Variants in CDH13 observed in about 807,000 individuals in gnomAD.
CDH13 encodes cadherin-13.
CDH13 carries 24 observed loss-of-function variants against 63.8 expected under a neutral mutation model. The ratio of observed to expected loss-of-function variants is 0.38; its 90% CI spans 0.27 to 0.53. The LOEUF (loss-of-function observed/expected upper bound fraction) is 0.53, where lower values mean the gene tolerates loss of function less well. Ranked by LOEUF, CDH13 falls within the 20% of genes least tolerant of loss-of-function variation. The pLI is 0.85. For missense variants in CDH13, 1,049 were observed against 903.1 expected (o/e 1.16, Z -2.07); for synonymous variants, 503 against 355.3 (o/e 1.42, Z -4.67).
chr16:83,705,889 AG>A lies in CDH13; in HGVS notation c.1538+27430del, dbSNP rs369859885. On this transcript the variant is annotated intron_variant, in intron 10 of 13. Coordinates refer to ENST00000567109, the MANE Select transcript of CDH13 (RefSeq NM_001257.5). Reference sequence around the variant, plus strand: ...TCCTAACTTAAATTTTATAAAACAAAGGATTTGTTTAGGTGGGAGAGTAGAT... The same window carrying A: ...TCCTAACTTAAATTTTATAAAACAAAGATTTGTTTAGGTGGGAGAGTAGAT... Among the ~76,000 whole-genome samples, 19 of 152,318 alleles carry A rather than the reference AG, an allele frequency of 1.2e-4. No individual in the cohort carries two copies. In the East Asian group the frequency reaches 3.1e-3, roughly 25 times the overall value.
rs964815298 is a variant in CDH13, at chr16:83,435,648, C to G, written c.782-50829C>G. 5.9e-5 allele frequency among the ~76,000 whole-genome samples: 9 copies of G among 152,278 alleles called. No individual in the cohort carries two copies. The East Asian group carries it at 1.5e-3, about 26-fold the overall frequency. On this transcript the variant is annotated intron_variant, in intron 6 of 13. Coordinates refer to ENST00000567109, the MANE Select transcript of CDH13 (RefSeq NM_001257.5). ...TTCTCTCTGTCTGAGTTGCTTTTCCCTGTACCTCACATCTAAGTCCAGATG... is the reference window on the plus strand; with the variant it reads ...TTCTCTCTGTCTGAGTTGCTTTTCCGTGTACCTCACATCTAAGTCCAGATG...
chr16:83,535,967 AAAG>A (rs2075178269), intron 7 of CDH13, among the ~76,000 whole-genome samples: 1 of 152,022 alleles, frequency 6.6e-6, no homozygotes, highest in East Asian at 1.9e-4. Flanking sequence ...AAAGAAAAGA[AAAG>A]AAAAGAAAGA....
At chr16:83,073,346 T>A (rs1482359298) in intron 3 of CDH13, among the ~76,000 whole-genome samples, 45 of 129,674 alleles carry the variant, frequency 3.5e-4, no homozygotes, top group African/African-American at 1.3e-3. Context: ...TGTGTGTGTG[T>A]GTGTGTGTGA....
At chr16:83,333,917 C>G (rs2090530731) in intron 5 of CDH13, among the ~76,000 whole-genome samples, 1 of 152,174 alleles carries the variant, frequency 6.6e-6, no homozygotes, top group East Asian at 1.9e-4. Context: ...AATTACCACA[C>G]AGTGACTCAA....
intron 5 of CDH13, among the ~76,000 whole-genome samples, chr16:83,264,552 ATG>A (rs35460307): frequency 0.019 from 2,810 of 149,832 alleles, 28 homozygotes; most frequent in Middle Eastern, 0.052. Flanking sequence ...ATATATATGT[ATG>A]TGTGTGTGTG....
intron 5 of CDH13, among the ~76,000 whole-genome samples, chr16:83,316,577 C>CA (rs2090110084): frequency 6.6e-6 from 1 of 152,068 alleles, no homozygotes; most frequent in Non-Finnish European, 1.5e-5. Context: ...CTAGGGAGCA[C>CA]AGTAGTGAGT....
rs376924929 is a variant in CDH13, at chr16:83,748,133, G to T, written c.1564G>T (p.Gly522Cys). 1 of 1,613,910 alleles carries T rather than the reference G, an allele frequency of 6.2e-7. No individual in the cohort carries two copies. The highest frequency in any genetic ancestry group is 1.3e-5 in the African/African-American group (1 of 75,020). The change falls in exon 11 of 14, where the codon GGT (glycine) becomes TGT (cysteine). Residue 522 changes from glycine (G) to cysteine (C), a missense_variant. Gly to Cys is a radical substitution (Grantham distance 159, BLOSUM62 -3). Coordinates refer to ENST00000567109, the MANE Select transcript of CDH13 (RefSeq NM_001257.5). ...GTATTCTGTTTACAAGGACCCAGCA[G>T]GTTGGCTGAATATTAACCCCATCAA... Reference protein sequence around the residue: ...IRYSVYKDPAGWLNINPINGT... With the variant: ...IRYSVYKDPACWLNINPINGT...
chr16:83,290,006 C>T (rs962190512), intron 5 of CDH13, among the ~76,000 whole-genome samples: 1 of 152,174 alleles, frequency 6.6e-6, no homozygotes. Flanking sequence ...GAGGGAACCA[C>T]TCTTCTGACA....
intron 5 of CDH13, among the ~76,000 whole-genome samples, chr16:83,282,175 C>T (rs927050707): frequency 3.9e-5 from 6 of 152,118 alleles, no homozygotes; most frequent in South Asian, 2.1e-4. Flanking sequence ...TTGTCTTCTG[C>T]GGACATGGCT....
At chr16:83,333,155 C>A (rs1196018174) in intron 5 of CDH13, among the ~76,000 whole-genome samples, 1 of 152,080 alleles carries the variant, frequency 6.6e-6, no homozygotes, top group Non-Finnish European at 1.5e-5. Flanking sequence ...AATGTCTTTT[C>A]CCTGGGAACT....
chr16:83,393,586 A>G (rs1185110696), intron 6 of CDH13, among the ~76,000 whole-genome samples: 1 of 152,202 alleles, frequency 6.6e-6, no homozygotes, highest in Non-Finnish European at 1.5e-5. Context: ...GAGGAGACAT[A>G]GACATATATG....
chr16:83,397,845 A>G lies in CDH13; in HGVS notation c.781+52839A>G, dbSNP rs576142708. 2.6e-5 allele frequency: 4 copies of G among 152,342 alleles called. No homozygotes were observed. In the East Asian group the frequency reaches 7.7e-4, roughly 29 times the overall value. 9.4% of individuals were successfully genotyped at this position (152,342 alleles called of 1,614,324 possible). ...CAGTTTGCCCTGTCCATATTCATAG[A>G]GCTAAAGAAACATTTGTTATAAATG... On this transcript the variant is annotated intron_variant, in intron 6 of 13. Coordinates refer to ENST00000567109, the MANE Select transcript of CDH13 (RefSeq NM_001257.5).
At chr16:83,217,558 T>C in intron 5 of CDH13, 61 bp downstream of exon 5, 1 of 1,530,802 alleles carries the variant, frequency 6.5e-7, no homozygotes, top group Middle Eastern at 2.0e-4. Flanking sequence ...AAGATTGTTT[T>C]CTTCCCACTG....
At chr16:83,453,638 A>G (rs1373909143) in intron 6 of CDH13, among the ~76,000 whole-genome samples, 1 of 152,120 alleles carries the variant, frequency 6.6e-6, no homozygotes, top group East Asian at 1.9e-4. Context: ...CGTCTGTTTA[A>G]TGGTGGGGTT....
Position 83,406,153 on chromosome 16 carries a change from G to T in CDH13, c.781+61147G>T, listed in dbSNP as rs186660396. 3.3e-5 allele frequency among the ~76,000 whole-genome samples: 5 copies of T among 152,324 alleles called. No homozygotes were observed. In the East Asian group the frequency reaches 7.7e-4, roughly 24 times the overall value. On this transcript the variant is annotated intron_variant, in intron 6 of 13. Coordinates refer to ENST00000567109, the MANE Select transcript of CDH13 (RefSeq NM_001257.5). ...ACAGGGGTCAGTGGATCAATGCCCA[G>T]GCCCCTGTCTATGAAAGGGCAATTC...
At chr16:82,960,610 C>G (rs1040679711) in intron 2 of CDH13, among the ~76,000 whole-genome samples, 3 of 152,160 alleles carry the variant, frequency 2.0e-5, no homozygotes, top group African/African-American at 7.2e-5. Flanking sequence ...CTGGGCTTCA[C>G]AAACAAAATA....
intron 4 of CDH13, among the ~76,000 whole-genome samples, chr16:83,167,226 G>T (rs1472665279): frequency 2.0e-5 from 3 of 151,490 alleles, no homozygotes; most frequent in Non-Finnish European, 2.9e-5. Flanking sequence ...GCCGGGCACA[G>T]TGGCTCACGC....
intron 2 of CDH13, among the ~76,000 whole-genome samples, chr16:82,949,398 G>A (rs1210437286): frequency 6.6e-6 from 1 of 152,082 alleles, no homozygotes; most frequent in African/African-American, 2.4e-5. Context: ...CACTCTAACG[G>A]CTTCCTCTTA....
chr16:83,248,522 C>A (rs755004529), intron 5 of CDH13, among the ~76,000 whole-genome samples: 1 of 152,138 alleles, frequency 6.6e-6, no homozygotes, highest in African/African-American at 2.4e-5. Context: ...CAAGGGTCAT[C>A]AGGTAGTTAG....
Sources: gnomAD v4.1 joint callset for allele counts (sites outside exome capture counted in the v4.1 genomes callset) on GRCh38, gnomAD v4.1.1 for gene constraint, MANE v1.5 for transcripts, NCBI Gene and HGNC (gene_info 2026-07-23, HGNC 2026-07-21) for gene names.